HSD17B3: variants seen among roughly 807,000 people sequenced by gnomAD.
HSD17B3 encodes hydroxysteroid 17-beta dehydrogenase 3, also known as 17-beta-hydroxysteroid dehydrogenase type 3.
HSD17B3 carries 29 observed loss-of-function variants against 41.1 expected under a neutral mutation model. The observed-to-expected ratio is 0.71, with a 90% CI of 0.53 to 0.96. The LOEUF (loss-of-function observed/expected upper bound fraction) is 0.96, where lower values mean the gene tolerates loss of function less well. Among genes scored for constraint, HSD17B3 ranks in the 40% least tolerant of loss-of-function variants. HSD17B3 has a pLI of 0.00. For missense variants in HSD17B3, 323 were observed against 374.6 expected (o/e 0.86, Z 1.14); for synonymous variants, 126 against 145.6 (o/e 0.87, Z 0.97).
chr9:96,244,232 C>A, intron 9 of HSD17B3, 97 bp downstream of exon 9: 1 of 1,209,452 alleles, frequency 8.3e-7, no homozygotes, highest in Non-Finnish European at 1.2e-6. Context: ...GAGGCAGTGG[C>A]CCCAGCCACG....
chr9:96,299,131 A>G (rs568651879), intron 1 of HSD17B3, among the ~76,000 whole-genome samples: 1 of 152,370 alleles, frequency 6.6e-6, no homozygotes, highest in African/African-American at 2.4e-5. Flanking sequence ...TTAATGATTG[A>G]GCTCTAGTAT....
intron 2 of HSD17B3, among the ~76,000 whole-genome samples, chr9:96,280,685 C>T (rs1428783376): frequency 6.6e-6 from 1 of 152,130 alleles, no homozygotes; most frequent in Non-Finnish European, 1.5e-5. Flanking sequence ...GAGGCTGAGA[C>T]CTACTGGGCT....
rs530102667 is a variant in HSD17B3 at position 96,281,143 on chromosome 9, C to T, written c.201+17273G>A. Among the ~76,000 whole-genome samples the T allele has an allele frequency of 1.4e-4, 22 of 152,144 alleles. No individual in the cohort carries two copies. In the East Asian group the frequency reaches 4.1e-3, roughly 28 times the overall value. On this transcript the variant is annotated intron_variant, in intron 2 of 10. Coordinates refer to ENST00000375263, the MANE Select transcript of HSD17B3 (RefSeq NM_000197.2). ...CCTTCTCTTGGGGTCTGGATCAGGA[C>T]CCCTTTCCTGTAACATCTTTCTGGT...
intron 2 of HSD17B3, among the ~76,000 whole-genome samples, chr9:96,262,882 A>G (rs16910690): frequency 0.032 from 4,798 of 152,208 alleles, 215 homozygotes; most frequent in Admixed American, 0.13. Flanking sequence ...TTGAAGCCCC[A>G]TCTGAGTATT....
intron 2 of HSD17B3, among the ~76,000 whole-genome samples, chr9:96,270,398 G>A (rs374137218): frequency 1.3e-5 from 2 of 152,062 alleles, no homozygotes; most frequent in Non-Finnish European, 2.9e-5. Flanking sequence ...AAGAACAAAG[G>A]AACAAATCTA....
intron 2 of HSD17B3, among the ~76,000 whole-genome samples, chr9:96,295,047 G>A (rs1315818060): frequency 1.7e-4 from 20 of 121,080 alleles, no homozygotes; most frequent in African/African-American, 5.8e-4. Context: ...TCGCTCTGTC[G>A]CCAGGCTGGT....
chr9:96,244,862 A>T (rs1160470297), intron 8 of HSD17B3, among the ~76,000 whole-genome samples: 1 of 152,092 alleles, frequency 6.6e-6, no homozygotes. Context: ...GCTTGCCTTG[A>T]TGGGAGTTAG....
chr9:96,292,322 T>C (rs1119864), intron 2 of HSD17B3, among the ~76,000 whole-genome samples: 43,602 of 152,082 alleles, frequency 0.29, 6,719 homozygotes, highest in Non-Finnish European at 0.35. Context: ...GCTGAAAAAG[T>C]ATTTGAATAA....
rs372518739 is a variant in HSD17B3, at chr9:96,245,453, A to G, written c.525-27T>C. On this transcript the variant is annotated intron_variant, in intron 7 of 10. Transcript: ENST00000375263. ...TGAAAGGCAAAGAAGCAAAGTTCCC[A>G]TGGCTTTGTTGCCCTACCTGACCTT... The G allele has an allele frequency of 2.2e-4, 340 of 1,580,354 alleles. No individual in the cohort carries two copies. The African/African-American group carries it at 2.9e-3, about 13-fold the overall frequency.
In HSD17B3 at chr9:96,302,069, T is replaced by C. The variant is rs763883369; in HGVS notation, c.36A>G (p.Thr12=). The part of the protein sequence containing the change: ...GDVLEQFFIL[T]GLLVCLACLA... ...GGCAGGCCAGGCACACCAGCAGCCC[T>C]GTGAGGATGAAGAACTGTTCCAGGA... Residue 12 remains threonine (T), a synonymous_variant, in exon 1 of 11, where the codon ACA becomes ACG. Transcript: ENST00000375263. 7 of 1,614,000 alleles carry C rather than the reference T, an allele frequency of 4.3e-6. No homozygotes were observed. Among genetic ancestry groups the C allele is most frequent in the Non-Finnish European group, 5.9e-6 (7 of 1,180,024 alleles).
chr9:96,286,084 C>T (rs1379952521), intron 2 of HSD17B3, among the ~76,000 whole-genome samples: 1 of 152,220 alleles, frequency 6.6e-6, no homozygotes, highest in African/African-American at 2.4e-5. Flanking sequence ...TGGCTCATGC[C>T]TGTAATCCCA....
At chr9:96,254,816 G>A in intron 3 of HSD17B3, 52 bp downstream of exon 3, 1 of 1,485,090 alleles carries the variant, frequency 6.7e-7, no homozygotes, top group South Asian at 1.1e-5. Context: ...GGTGGGAGCA[G>A]GCTTGGTTGG....
chr9:96,245,616 A>T (rs1389093393), intron 7 of HSD17B3, among the ~76,000 whole-genome samples, 190 bp from the exon 8 acceptor site: 2 of 152,158 alleles, frequency 1.3e-5, no homozygotes, highest in Non-Finnish European at 2.9e-5. Flanking sequence ...CGCCACACAG[A>T]GATGTCTGGA....
At chr9:96,277,521 A>G (rs1346098307) in intron 2 of HSD17B3, among the ~76,000 whole-genome samples, 1 of 152,236 alleles carries the variant, frequency 6.6e-6, no homozygotes, top group Non-Finnish European at 1.5e-5. Flanking sequence ...ACAATGAGCT[A>G]TCACTTCACA....
chr9:96,286,057 G>A (rs1348103266), intron 2 of HSD17B3, among the ~76,000 whole-genome samples: 4 of 152,194 alleles, frequency 2.6e-5, no homozygotes, highest in Non-Finnish European at 4.4e-5. Flanking sequence ...GATAAAACAG[G>A]TTAGGGCCAG....
intron 2 of HSD17B3, among the ~76,000 whole-genome samples, chr9:96,264,065 G>GTA (rs1425092744): frequency 6.6e-6 from 1 of 152,044 alleles, no homozygotes; most frequent in Non-Finnish European, 1.5e-5. Flanking sequence ...ATTTTACAAT[G>GTA]TATATATATT....
intron 2 of HSD17B3, among the ~76,000 whole-genome samples, chr9:96,280,543 G>C (rs1826652165): frequency 6.6e-6 from 1 of 152,250 alleles, no homozygotes; most frequent in African/African-American, 2.4e-5. Context: ...TGAGTAATTT[G>C]GAGAGAGTTT....
chr9:96,263,736 T>A (rs1323631299), intron 2 of HSD17B3, among the ~76,000 whole-genome samples: 1 of 151,370 alleles, frequency 6.6e-6, no homozygotes, highest in Non-Finnish European at 1.5e-5. Flanking sequence ...TCAAAAAAAA[T>A]AAATAAAAAA....
rs376521506 is a variant in HSD17B3 at position 96,240,659 on chromosome 9, T to C, written c.822+99A>G. 5.4e-5 allele frequency: 66 copies of C among 1,217,086 alleles called. No individual in the cohort carries two copies. In the African/African-American group the frequency reaches 8.5e-4, roughly 16 times the overall value. 75.4% of individuals were successfully genotyped at this position (1,217,086 alleles called of 1,614,324 possible). ...GTACCTGGCTATATTAACGCATCAATGAGTGCTCCAGCAGCAAGGAAGAGC... is the reference window on the plus strand; with the variant it reads ...GTACCTGGCTATATTAACGCATCAACGAGTGCTCCAGCAGCAAGGAAGAGC... On this transcript the variant is annotated intron_variant, in intron 10 of 10. Coordinates refer to ENST00000375263, the MANE Select transcript of HSD17B3 (RefSeq NM_000197.2).
Sources: allele counts gnomAD v4.1 joint callset (sites outside exome capture counted in the v4.1 genomes callset), GRCh38; gene constraint gnomAD v4.1.1; transcripts MANE v1.5; gene names NCBI Gene and HGNC (gene_info 2026-07-23, HGNC 2026-07-21).